The following DYNC2I2 variants were observed in gnomAD, a reference collection of about 807,000 sequenced individuals.
The protein encoded by DYNC2I2 is dynein 2 intermediate chain 2, also known as cytoplasmic dynein 2 intermediate chain 2.
A neutral mutation model predicts 52.0 loss-of-function variants in DYNC2I2; 39 were observed. The observed-to-expected ratio is 0.75, with a 90% CI of 0.58 to 0.98. The LOEUF (loss-of-function observed/expected upper bound fraction) is 0.98, where lower values mean the gene tolerates loss of function less well. Among genes scored for constraint, DYNC2I2 ranks in the 50% least tolerant of loss-of-function variants. The pLI, the probability that DYNC2I2 is intolerant of heterozygous loss-of-function variation, is 0.00. For synonymous variants in DYNC2I2, 359 were observed against 321.1 expected (o/e 1.12, Z -1.26); for missense variants, 743 against 728.4 (o/e 1.02, Z -0.23).
At chr9:128,655,334 C>CAAAAAAAAAAAAA (rs1295602226) in intron 1 of DYNC2I2, among the ~76,000 whole-genome samples, 1 of 2,366 alleles carries the variant, frequency 4.2e-4, no homozygotes, top group Non-Finnish European at 3.8e-3. Context: ...CCCGTCTCTA[C>CAAAAAAAAAAAAA]TAAAAAAAAA....
At chr9:128,682,127 C>T in the DYNC2I2 span, among the ~76,000 whole-genome samples, 2 of 151,510 alleles carry the variant, frequency 1.3e-5, no homozygotes, top group African/African-American at 4.9e-5. Context: ...CCACTCACTG[C>T]GATCTCCGCC....
intron 1 of DYNC2I2, among the ~76,000 whole-genome samples, chr9:128,644,217 A>C (rs1484206362): frequency 1.3e-5 from 2 of 151,326 alleles, no homozygotes; most frequent in African/African-American, 4.9e-5. Flanking sequence ...GCACAGAGAA[A>C]CTGAGTAACT....
intron 2 of DYNC2I2, 55 bp downstream of exon 2, chr9:128,640,636 G>A: frequency 6.4e-7 from 1 of 1,572,660 alleles, no homozygotes; most frequent in Non-Finnish European, 8.6e-7. Flanking sequence ...GAAAACAAGA[G>A]GAGACAGAAG....
At chr9:128,683,744 G>A in the DYNC2I2 span, 2 of 593,094 alleles carry the variant, frequency 3.4e-6, no homozygotes, top group Non-Finnish European at 5.8e-6. Context: ...GGGGGCCGGG[G>A]TGTGTGTCCC....
chr9:128,646,611 T>C (rs1436751949), intron 1 of DYNC2I2, among the ~76,000 whole-genome samples: 1 of 152,100 alleles, frequency 6.6e-6, no homozygotes, highest in Non-Finnish European at 1.5e-5. Flanking sequence ...GCTGACTCTC[T>C]TGTTAGGGGC....
intron 1 of DYNC2I2, 86 bp from the exon 2 acceptor site, chr9:128,641,025 C>T: frequency 6.8e-7 from 1 of 1,472,604 alleles, no homozygotes; most frequent in Non-Finnish European, 9.0e-7. Flanking sequence ...TCCTGCTTGA[C>T]CCCCTCCTTG....
chr9:128,662,288 A>G, the DYNC2I2 span, among the ~76,000 whole-genome samples: 1 of 152,002 alleles, frequency 6.6e-6, no homozygotes, highest in Non-Finnish European at 1.5e-5. Context: ...TGGTGGCCAT[A>G]ATGAAAGCGC....
intron 1 of DYNC2I2, among the ~76,000 whole-genome samples, chr9:128,648,812 A>AAG (rs752645425): frequency 1.3e-5 from 2 of 149,534 alleles, no homozygotes; most frequent in African/African-American, 2.5e-5. Context: ...AAAAAAAAAA[A>AAG]AGAGAGAGAG....
At chr9:128,653,000 G>A (rs1157894520) in intron 1 of DYNC2I2, among the ~76,000 whole-genome samples, 1 of 150,280 alleles carries the variant, frequency 6.7e-6, no homozygotes, top group Non-Finnish European at 1.5e-5. Flanking sequence ...AGGCTGAGGC[G>A]GGTGGATCAC....
the DYNC2I2 span, among the ~76,000 whole-genome samples, chr9:128,680,599 G>A: frequency 2.0e-5 from 3 of 149,432 alleles, no homozygotes; most frequent in African/African-American, 2.5e-5. Context: ...GGATGGTCTC[G>A]ATCTCCTGAC....
chr9:128,672,322 C>G, the DYNC2I2 span, among the ~76,000 whole-genome samples: 1 of 151,836 alleles, frequency 6.6e-6, no homozygotes, highest in Admixed American at 6.6e-5. Flanking sequence ...CCAGGATGGT[C>G]TGGATGTCTT....
chr9:128,672,584 G>A, the DYNC2I2 span, among the ~76,000 whole-genome samples: 1 of 151,418 alleles, frequency 6.6e-6, no homozygotes, highest in African/African-American at 2.4e-5. Context: ...TCTATTCAGG[G>A]CAACTTAAAT....
At chr9:128,672,980 G>A in the DYNC2I2 span, among the ~76,000 whole-genome samples, 4 of 152,024 alleles carry the variant, frequency 2.6e-5, no homozygotes, top group East Asian at 1.9e-4. Context: ...GCCGAGATTG[G>A]GCCACTGCAC....
upstream of DYNC2I2, among the ~76,000 whole-genome samples, chr9:128,659,121 C>T (rs956845893): frequency 6.6e-6 from 1 of 151,946 alleles, no homozygotes; most frequent in South Asian, 2.1e-4. Flanking sequence ...TGGCCTCTGC[C>T]TCCACCTGCT....
intron 8 of DYNC2I2, 42 bp downstream of exon 8, chr9:128,634,184 C>T (rs775178974): frequency 3.2e-5 from 51 of 1,610,044 alleles, no homozygotes; most frequent in Non-Finnish European, 4.1e-5. Flanking sequence ...GCCCAGACCA[C>T]CCACCCCTTA....
In DYNC2I2 at chr9:128,636,407, A is replaced by C. The variant is rs555991009; in HGVS notation, c.577T>G (p.Ser193Ala). Residue 193 changes from serine to alanine, a missense_variant, in exon 4 of 9, where the codon TCC becomes GCC. By Grantham distance (99) the Ser-to-Ala change is moderately conservative. Transcript: ENST00000372715. ...TCCAGGTTCCAGGCACACACGAAGGACTTAAGCGTGCTCCAGTCCCCATGG... is the reference window on the plus strand; with the variant it reads ...TCCAGGTTCCAGGCACACACGAAGGCCTTAAGCGTGCTCCAGTCCCCATGG... The part of the protein sequence containing the change: ...LDHGDWSTLK[S>A]FVCAWNLDRR... 6.2e-7 allele frequency: 1 copy of C among 1,609,634 alleles called. No homozygotes were observed. The highest frequency in any genetic ancestry group is 8.5e-7 in the Non-Finnish European group (1 of 1,179,002).
chr9:128,680,008 G>A, the DYNC2I2 span, among the ~76,000 whole-genome samples: 1 of 151,932 alleles, frequency 6.6e-6, no homozygotes, highest in South Asian at 2.1e-4. Flanking sequence ...ACAAGACTCT[G>A]GACTTCTAAT....
At chr9:128,672,425 C>T in the DYNC2I2 span, among the ~76,000 whole-genome samples, 1 of 150,936 alleles carries the variant, frequency 6.6e-6, no homozygotes, top group Non-Finnish European at 1.5e-5. Context: ...AACTCCTGAC[C>T]TCAGGTGATG....
the DYNC2I2 span, among the ~76,000 whole-genome samples, chr9:128,677,865 C>T: frequency 6.6e-6 from 1 of 152,056 alleles, no homozygotes; most frequent in Non-Finnish European, 1.5e-5. Context: ...ACCACCTATC[C>T]TTGTCCTCTC....
Sources: gnomAD v4.1 joint callset for allele counts (sites outside exome capture counted in the v4.1 genomes callset) on GRCh38, gnomAD v4.1.1 for gene constraint, MANE v1.5 for transcripts, NCBI Gene and HGNC (gene_info 2026-07-23, HGNC 2026-07-21) for gene names.